The following COP1 variants were observed in gnomAD, a reference collection of about 807,000 sequenced individuals.
COP1 encodes the protein COP1 E3 ubiquitin ligase, also known as E3 ubiquitin-protein ligase COP1.
COP1 carries 24 observed loss-of-function variants against 101.3 expected under a neutral mutation model. That is an observed-to-expected ratio of 0.24 (90% confidence interval 0.17 to 0.33). The LOEUF (loss-of-function observed/expected upper bound fraction) is 0.33. Ranked by LOEUF, COP1 falls within the 10% of genes least tolerant of loss-of-function variation. The probability of loss-of-function intolerance (pLI) is 1.00; values close to 1 mark genes in which losing one functional copy is unlikely to be tolerated. For missense variants in COP1, 663 were observed against 906.2 expected (o/e 0.73, Z 3.45); for synonymous variants, 347 against 341.9 (o/e 1.01, Z -0.17).
chr1:176,057,102 C>T (rs542605627), intron 11 of COP1, among the ~76,000 whole-genome samples: 1 of 152,228 alleles, frequency 6.6e-6, no homozygotes, highest in South Asian at 2.1e-4. Flanking sequence ...ACAAACTACC[C>T]CTGCGTTTCC....
intron 18 of COP1, among the ~76,000 whole-genome samples, chr1:175,964,309 A>G (rs1184179945): frequency 6.6e-6 from 1 of 152,198 alleles, no homozygotes; most frequent in East Asian, 1.9e-4. Flanking sequence ...ACCTTGCTAA[A>G]TAAGGATCTA....
intron 11 of COP1, among the ~76,000 whole-genome samples, chr1:176,047,904 T>C (rs1425114832): frequency 1.3e-5 from 2 of 151,924 alleles, no homozygotes; most frequent in Non-Finnish European, 2.9e-5. Context: ...TGAGACCCGA[T>C]CGCTACAAAA....
At chr1:176,105,037 A>T (rs1220630685) in intron 9 of COP1, among the ~76,000 whole-genome samples, 1 of 152,196 alleles carries the variant, frequency 6.6e-6, no homozygotes, top group Non-Finnish European at 1.5e-5. Context: ...CAGAAAAAAA[A>T]TTACTAGAAA....
At chr1:175,947,636 C>T (rs1649355991) in intron 18 of COP1, among the ~76,000 whole-genome samples, 1 of 152,162 alleles carries the variant, frequency 6.6e-6, no homozygotes, top group South Asian at 2.1e-4. Context: ...TCCCAAAGTG[C>T]TGGGATTACA....
intron 15 of COP1, among the ~76,000 whole-genome samples, chr1:176,011,441 A>G (rs1016219795): frequency 7.9e-5 from 12 of 152,068 alleles, no homozygotes; most frequent in African/African-American, 2.7e-4. Context: ...AGAAGAATAA[A>G]CTCTAAGTAC....
chr1:176,066,447 G>A (rs1302441731), intron 11 of COP1, among the ~76,000 whole-genome samples: 1 of 152,022 alleles, frequency 6.6e-6, no homozygotes, highest in Non-Finnish European at 1.5e-5. Context: ...ACTCCTTCCA[G>A]TGATAAAATG....
At chr1:176,076,528 A>T (rs1029951019) in intron 11 of COP1, among the ~76,000 whole-genome samples, 11 of 94,766 alleles carry the variant, frequency 1.2e-4, no homozygotes, top group African/African-American at 2.9e-4. Context: ...GGTTAGGAAG[A>T]TCTCAAATTA....
At chr1:176,160,320 G>C (rs1694130893) in intron 5 of COP1, 2 of 327,956 alleles carry the variant, frequency 6.1e-6, no homozygotes, top group Non-Finnish European at 1.1e-5. Flanking sequence ...GAATGTGTAG[G>C]TTTGTTACCT....
At chr1:176,088,964 C>T (rs1482096653) in intron 9 of COP1, among the ~76,000 whole-genome samples, 2 of 140,648 alleles carry the variant, frequency 1.4e-5, no homozygotes, top group Non-Finnish European at 3.0e-5. Flanking sequence ...CATTGCACTC[C>T]AGCCTGGGCA....
chr1:176,200,048 A>G (rs1315007356), intron 1 of COP1, among the ~76,000 whole-genome samples: 1 of 152,242 alleles, frequency 6.6e-6, no homozygotes, highest in Non-Finnish European at 1.5e-5. Flanking sequence ...TTGTCTGAAT[A>G]TAAATACTGG....
At chr1:176,122,347 C>A (rs532310039) in intron 8 of COP1, among the ~76,000 whole-genome samples, 1 of 152,028 alleles carries the variant, frequency 6.6e-6, no homozygotes, top group African/African-American at 2.4e-5. Flanking sequence ...TTATACGATA[C>A]ATGGCATATG....
chr1:176,081,991 C>A (rs1481776209), intron 10 of COP1, among the ~76,000 whole-genome samples: 1 of 152,130 alleles, frequency 6.6e-6, no homozygotes, highest in Non-Finnish European at 1.5e-5. Context: ...TGGGTAAAGT[C>A]CACTTCAGTA....
chr1:176,197,316 A>G (rs1007857696), intron 1 of COP1, among the ~76,000 whole-genome samples: 1 of 152,172 alleles, frequency 6.6e-6, no homozygotes, highest in Non-Finnish European at 1.5e-5. Flanking sequence ...TAGGAAGATG[A>G]GGGAGGAGGA....
intron 5 of COP1, among the ~76,000 whole-genome samples, chr1:176,150,687 C>A (rs1692281208): frequency 6.6e-6 from 1 of 152,188 alleles, no homozygotes; most frequent in African/African-American, 2.4e-5. Flanking sequence ...AGGAATTATA[C>A]AAACTATCTT....
At position 175,987,573 on chromosome 1, in the gene COP1, A is replaced by G. The variant is rs536323873; in HGVS notation, c.1973-470T>C. 2.6e-5 allele frequency among the ~76,000 whole-genome samples: 4 copies of G among 152,282 alleles called. No individual in the cohort carries two copies. The East Asian group carries it at 7.7e-4, about 29-fold the overall frequency. ...TTCATAGCCTACATAATTTATTTCC[A>G]TTTCTCAGTATAGGAATTATTCTAT... On this transcript the variant is annotated intron_variant, in intron 17 of 19. Transcript: ENST00000367669.
chr1:175,985,608 C>T (rs753964916), intron 18 of COP1, among the ~76,000 whole-genome samples: 6 of 152,192 alleles, frequency 3.9e-5, no homozygotes, highest in Admixed American at 6.5e-5. Context: ...AGCACTTTCA[C>T]CCACCCCACC....
Position 176,028,527 on chromosome 1 carries a change from CA to C in COP1, c.1613-840del, listed in dbSNP as rs35574875. Among the ~76,000 whole-genome samples, 507 of 91,892 alleles carry C rather than the reference CA, an allele frequency of 5.5e-3. 3 individuals are homozygous for C. Among genetic ancestry groups the C allele is most frequent in the African/African-American group, 0.015 (363 of 24,716 alleles). 60.3% of individuals were successfully genotyped at this position (91,892 alleles called of 152,430 possible). On this transcript the variant is annotated intron_variant, in intron 14 of 19. Coordinates refer to ENST00000367669, the MANE Select transcript of COP1 (RefSeq NM_022457.7). ...TTGCAGTGAGCTGAGATCATGCCAC[CA>C]AAAAAAAAAAATGAAATGAAATGAA...
chr1:176,143,843 T>C (rs1169215101), intron 6 of COP1, among the ~76,000 whole-genome samples: 1 of 152,182 alleles, frequency 6.6e-6, no homozygotes, highest in East Asian at 1.9e-4. Context: ...ATTAACAGAA[T>C]GAAAAGGAAA....
intron 7 of COP1, among the ~76,000 whole-genome samples, chr1:176,136,282 T>C (rs539160385): frequency 2.6e-5 from 4 of 152,140 alleles, no homozygotes; most frequent in African/African-American, 7.2e-5. Context: ...CAATAAAACA[T>C]TGTAAAACAA....
Sources: allele counts gnomAD v4.1 joint callset (sites outside exome capture counted in the v4.1 genomes callset), GRCh38; gene constraint gnomAD v4.1.1; transcripts MANE v1.5; gene names NCBI Gene and HGNC (gene_info 2026-07-23, HGNC 2026-07-21).